The following N4BP1 variants were observed in gnomAD, a reference collection of about 807,000 sequenced individuals.
The protein encoded by N4BP1 is NEDD4-binding protein 1.
In N4BP1, 21 loss-of-function variants were observed where a neutral mutation model predicts 70.9. The observed-to-expected ratio is 0.30, with a 90% CI of 0.21 to 0.43. The LOEUF (loss-of-function observed/expected upper bound fraction) is 0.43, where lower values mean the gene tolerates loss of function less well. Among genes scored for constraint, N4BP1 ranks in the 20% least tolerant of loss-of-function variants. The pLI is 1.00. For synonymous variants in N4BP1, 387 were observed against 394.6 expected (o/e 0.98, Z 0.23); for missense variants, 936 against 1,069.4 (o/e 0.88, Z 1.74).
intron 3 of N4BP1, 41 bp downstream of exon 3, chr16:48,553,498 A>G (rs1429826225): frequency 6.6e-7 from 1 of 1,512,822 alleles, no homozygotes; most frequent in Non-Finnish European, 8.8e-7. Flanking sequence ...CCAACTCATT[A>G]AACATTTCAC....
intron 1 of N4BP1, among the ~76,000 whole-genome samples, chr16:48,589,791 G>A (rs1477946735): frequency 3.9e-5 from 6 of 152,178 alleles, no homozygotes; most frequent in African/African-American, 1.4e-4. Context: ...AATTATAACT[G>A]AGGAAATTAT....
intron 1 of N4BP1, among the ~76,000 whole-genome samples, chr16:48,605,409 A>G (rs1422810938): frequency 2.6e-5 from 4 of 152,144 alleles, no homozygotes; most frequent in African/African-American, 9.7e-5. Context: ...ACTGCTTCAC[A>G]GGGAGGGTCC....
intron 1 of N4BP1, among the ~76,000 whole-genome samples, chr16:48,585,271 A>G (rs1417896087): frequency 6.6e-6 from 1 of 152,006 alleles, no homozygotes; most frequent in African/African-American, 2.4e-5. Context: ...CACAGAGATT[A>G]AACTTCCTAT....
At chr16:48,548,152 C>T (rs1388702761) in intron 4 of N4BP1, 38 bp from the exon 5 acceptor site, 3 of 1,186,264 alleles carry the variant, frequency 2.5e-6, no homozygotes, top group Non-Finnish European at 3.8e-6. Context: ...CAGCAACAGG[C>T]ATCCTTGGCT....
At chr16:48,588,507 C>G (rs1282554189) in intron 1 of N4BP1, among the ~76,000 whole-genome samples, 3 of 152,070 alleles carry the variant, frequency 2.0e-5, no homozygotes, top group Non-Finnish European at 2.9e-5. Context: ...ATTGGCCAGG[C>G]TGGTCTCGAA....
At chr16:48,552,194 C>G (rs747928951) in intron 3 of N4BP1, among the ~76,000 whole-genome samples, 3 of 152,058 alleles carry the variant, frequency 2.0e-5, no homozygotes, top group Non-Finnish European at 4.4e-5. Context: ...CTACTGGCCT[C>G]CTATCTAAAT....
In N4BP1 at chr16:48,602,843, C is replaced by G. The variant is rs181250486; in HGVS notation, c.198+6932G>C. ...AATAAATAAATAAATAAAAGCCCAGCATGGTGGCACATGCCTATAGTCCCA... is the reference window on the plus strand; with the variant it reads ...AATAAATAAATAAATAAAAGCCCAGGATGGTGGCACATGCCTATAGTCCCA... On this transcript the variant is annotated intron_variant, in intron 1 of 6. Transcript: ENST00000262384. 2.0e-5 allele frequency among the ~76,000 whole-genome samples: 3 copies of G among 151,350 alleles called. No individual in the cohort carries two copies. In the East Asian group the frequency reaches 5.8e-4, roughly 29 times the overall value.
chr16:48,603,101 T>C (rs1964528447), intron 1 of N4BP1, among the ~76,000 whole-genome samples: 1 of 152,202 alleles, frequency 6.6e-6, no homozygotes, highest in Non-Finnish European at 1.5e-5. Context: ...GTCAGTACTG[T>C]AATAGGCCAC....
intron 1 of N4BP1, among the ~76,000 whole-genome samples, chr16:48,582,901 T>C (rs191500183): frequency 2.0e-3 from 297 of 152,186 alleles, no homozygotes; most frequent in Non-Finnish European, 3.4e-3. Context: ...CTGAGCAACA[T>C]AGGGAGACCT....
At chr16:48,569,668 T>A (rs1200508339) in intron 1 of N4BP1, among the ~76,000 whole-genome samples, 3 of 152,200 alleles carry the variant, frequency 2.0e-5, no homozygotes, top group Non-Finnish European at 4.4e-5. Flanking sequence ...AGTGCTGGGA[T>A]TATAGGCATG....
At chr16:48,587,797 G>C (rs898145288) in intron 1 of N4BP1, among the ~76,000 whole-genome samples, 3 of 152,148 alleles carry the variant, frequency 2.0e-5, no homozygotes, top group South Asian at 2.1e-4. Flanking sequence ...TCATGCTCAG[G>C]AAACTGGCCT....
At chr16:48,585,702 CTTTT>C (rs879385620) in intron 1 of N4BP1, among the ~76,000 whole-genome samples, 4 of 141,214 alleles carry the variant, frequency 2.8e-5, no homozygotes, top group Non-Finnish European at 6.2e-5. Flanking sequence ...TCATGCCTGG[CTTTT>C]TTTTTTTGAG....
At chr16:48,562,841 T>G (rs1224042276) in intron 1 of N4BP1, among the ~76,000 whole-genome samples, 1 of 152,204 alleles carries the variant, frequency 6.6e-6, no homozygotes. Flanking sequence ...TCAAATCAAG[T>G]GATTGACTAC....
intron 1 of N4BP1, among the ~76,000 whole-genome samples, chr16:48,593,538 G>A (rs1350544452): frequency 6.6e-6 from 1 of 152,192 alleles, no homozygotes; most frequent in Non-Finnish European, 1.5e-5. Flanking sequence ...TAAAGTTAAA[G>A]AGGTATTATT....
chr16:48,571,162 T>A (rs1465845239), intron 1 of N4BP1, among the ~76,000 whole-genome samples: 3 of 152,178 alleles, frequency 2.0e-5, no homozygotes. Context: ...CCATCCAACA[T>A]GAGTAAGTGA....
intron 1 of N4BP1, among the ~76,000 whole-genome samples, chr16:48,581,064 A>G (rs1200797865): frequency 6.6e-6 from 1 of 152,164 alleles, no homozygotes; most frequent in Non-Finnish European, 1.5e-5. Flanking sequence ...TCAATAACAC[A>G]TTAAAAAGAT....
At chr16:48,609,681 C>T in intron 1 of N4BP1, 94 bp downstream of exon 1, 1 of 1,089,132 alleles carries the variant, frequency 9.2e-7, no homozygotes, top group Non-Finnish European at 1.2e-6. Context: ...AACCCAGGCG[C>T]ATCGCGGCGG....
In N4BP1 at chr16:48,560,993, A is replaced by G. The variant is rs1383449410; in HGVS notation, c.1650T>C (p.Ser550=). Residue 550 remains serine, a synonymous_variant, in exon 2 of 7, where the codon AGT becomes AGC. Transcript: ENST00000262384. ...AGCAATTTGGCTTAGAATGAGGAGA[A>G]CTACAACATCCTAAACGTTTTTCAC... ...SACEKRLGCC[S]SPHSKPNCST... is the part of the protein sequence containing the mutation. 6.2e-7 allele frequency: 1 copy of G among 1,614,042 alleles called. No homozygotes were observed. The highest frequency in any genetic ancestry group is 1.1e-5 in the South Asian group (1 of 91,088).
Position 48,542,844 on chromosome 16 carries a change from G to A in N4BP1, c.*60C>T. On this transcript the variant is annotated 3_prime_UTR_variant, in exon 7 of 7. Transcript: ENST00000262384. Reference sequence around the variant, plus strand: ...ATTATGTTCATTCCCATCAGGTACAGGTGTGAGCTTGAGTTTGATCAGCCA... The same window carrying A: ...ATTATGTTCATTCCCATCAGGTACAAGTGTGAGCTTGAGTTTGATCAGCCA... 7.2e-7 allele frequency: 1 copy of A among 1,388,026 alleles called. No homozygotes were observed. The highest frequency in any genetic ancestry group is 1.0e-6 in the Non-Finnish European group (1 of 1,002,742). 86.0% of individuals were successfully genotyped at this position (1,388,026 alleles called of 1,614,324 possible). A position where few individuals can be genotyped will look rare whatever the true frequency, so the allele number is the denominator to read the frequency against.
Sources: allele counts gnomAD v4.1 joint callset (sites outside exome capture counted in the v4.1 genomes callset), GRCh38; gene constraint gnomAD v4.1.1; transcripts MANE v1.5; gene names NCBI Gene and HGNC (gene_info 2026-07-23, HGNC 2026-07-21).